The following CYBRD1 variants were observed in gnomAD, a reference collection of about 807,000 sequenced individuals.
CYBRD1 encodes cytochrome b reductase 1.
CYBRD1 carries 14 observed loss-of-function variants against 21.9 expected under a neutral mutation model. The observed-to-expected ratio is 0.64, with a 90% CI of 0.42 to 1.00. The LOEUF (loss-of-function observed/expected upper bound fraction) is 1.00, where lower values mean the gene tolerates loss of function less well. Among genes scored for constraint, CYBRD1 ranks in the 50% least tolerant of loss-of-function variants. The pLI is 0.00. For missense variants in CYBRD1, 328 were observed against 352.5 expected, an observed-to-expected ratio of 0.93 and a Z score of 0.56; for synonymous variants, 146 against 136.5, an observed-to-expected ratio of 1.07 and a Z score of -0.48.
intron 1 of CYBRD1, chr2:171,539,762 T>G (rs1697601402): frequency 6.6e-6 from 1 of 151,146 alleles, no homozygotes; most frequent in African/African-American, 2.4e-5. Flanking sequence ...GGAGTCTTGC[T>G]CTGTCACCCA....
rs1047872335 is a variant in CYBRD1, at chr2:171,555,046, G to A, written c.*219G>A. 5.1e-6 allele frequency: 3 copies of A among 588,226 alleles called. No individual in the cohort carries two copies. The highest frequency in any genetic ancestry group is 8.9e-6 in the Non-Finnish European group (3 of 335,660). 36.4% of individuals were successfully genotyped at this position (588,226 alleles called of 1,614,324 possible). On this transcript the variant is annotated 3_prime_UTR_variant, in exon 4 of 4. Transcript: ENST00000321348. ...ATAAATAATAGCAGATATAAATTGT[G>A]GTTATGTTACCTTTATCTTGTTGAG...
rs1182503372 is a variant in CYBRD1 at position 171,555,346 on chromosome 2, T to A, written c.*519T>A. On this transcript the variant is annotated 3_prime_UTR_variant, in exon 4 of 4. Transcript: ENST00000321348. The stretch of plus-strand genomic sequence containing the variant: ...TAAAGAAATTTAGGAAAGCACCTGG[T>A]TCCTTTCTCCCCATGCCTGCCTTCT... The A allele has an allele frequency of 6.2e-6, 1 of 160,974 alleles. No homozygotes were observed. Among genetic ancestry groups the A allele is most frequent in the Non-Finnish European group, 1.4e-5 (1 of 73,658 alleles). 10.0% of individuals were successfully genotyped at this position (160,974 alleles called of 1,614,324 possible). A position where few individuals can be genotyped will look rare whatever the true frequency, so the allele number is the denominator to read the frequency against.
chr2:171,532,034 G>A (rs2105332638), intron 1 of CYBRD1, among the ~76,000 whole-genome samples: 1 of 152,220 alleles, frequency 6.6e-6, no homozygotes, highest in East Asian at 1.9e-4. Flanking sequence ...CATGACATTC[G>A]TGCTGTGAGA....
intron 1 of CYBRD1, chr2:171,541,273 C>A: frequency 2.4e-6 from 1 of 420,960 alleles, no homozygotes; most frequent in Non-Finnish European, 4.4e-6. Context: ...ATGGAGACAG[C>A]ATTTCAGTGA....
At chr2:171,529,329 C>T (rs916084206) in intron 1 of CYBRD1, among the ~76,000 whole-genome samples, 1 of 151,904 alleles carries the variant, frequency 6.6e-6, no homozygotes, top group South Asian at 2.1e-4. Context: ...GTCGGGAGTT[C>T]GAGACCAGCC....
intron 2 of CYBRD1, among the ~76,000 whole-genome samples, chr2:171,549,745 C>T (rs546284993): frequency 4.6e-5 from 7 of 152,154 alleles, no homozygotes; most frequent in Non-Finnish European, 7.3e-5. Flanking sequence ...TAAGTAATAA[C>T]TTTTTATGAA....
At chr2:171,550,982 G>T in intron 2 of CYBRD1, 1 of 227,300 alleles carries the variant, frequency 4.4e-6, no homozygotes, top group Non-Finnish European at 8.5e-6. Flanking sequence ...TCTTAGACAG[G>T]GTCTCACTCT....
Position 171,522,760 on chromosome 2 carries a change from G to A in CYBRD1, c.193+22G>A, listed in dbSNP as rs779120242. The A allele has an allele frequency of 4.3e-6, 7 of 1,613,100 alleles. No individual in the cohort carries two copies. The East Asian group carries it at 1.3e-4, about 31-fold the overall frequency. On this transcript the variant is annotated intron_variant, in intron 1 of 3. Coordinates refer to ENST00000321348, the MANE Select transcript of CYBRD1 (RefSeq NM_024843.4). The surrounding 1 kb of genome is among the most constrained non-coding windows in gnomAD (Gnocchi z 4.3). ...ATCGGTACTGGCACCTCCTGGGGGG[G>A]TGCGGGGAGGAAAGCGGGGAGAACG... is the stretch of plus-strand genomic sequence containing the variant.
At chr2:171,531,170 AAAG>A (rs1286079255) in intron 1 of CYBRD1, among the ~76,000 whole-genome samples, 108 of 151,332 alleles carry the variant, frequency 7.1e-4, no homozygotes, top group African/African-American at 2.4e-3. Context: ...AAAAAAAAAA[AAAG>A]AAAGACTAGA....
chr2:171,541,861 CTTTTTTTT>C (rs57998592), intron 2 of CYBRD1, 68 bp downstream of exon 2: 28 of 740,748 alleles, frequency 3.8e-5, no homozygotes, highest in Non-Finnish European at 4.7e-5. Context: ...GTTTTCTTTT[CTTTTTTTT>C]TTTTTTTTTT....
In CYBRD1 at chr2:171,522,563, C is replaced by T. The variant is rs771143937; in HGVS notation, c.18C>T (p.Tyr6=). 3 of 1,606,356 alleles carry T rather than the reference C, an allele frequency of 1.9e-6. No homozygotes were observed. Among genetic ancestry groups the T allele is most frequent in the African/African-American group, 2.7e-5 (2 of 74,912 alleles). ...GGGCGCTGATGGCCATGGAGGGCTA[C>T]TGGCGCTTCCTGGCGCTGCTGGGGT... MAMEG[Y]WRFLALLGSA... is the part of the protein sequence containing the mutation. The change falls in exon 1 of 4, where the codon TAC becomes TAT. Residue 6 remains tyrosine, a synonymous_variant. Transcript: ENST00000321348. This position sits in a 1 kb window ranked among gnomAD's most constrained non-coding sequence, Gnocchi z 4.3.
At chr2:171,541,544 A>G in intron 1 of CYBRD1, 41 bp from the exon 2 acceptor site, 3 of 1,593,980 alleles carry the variant, frequency 1.9e-6, no homozygotes, top group Non-Finnish European at 2.6e-6. Flanking sequence ...TGTTTAAAAA[A>G]CAAAACAAAA....
chr2:171,544,684 T>A (rs1697683882), intron 2 of CYBRD1, among the ~76,000 whole-genome samples: 1 of 152,238 alleles, frequency 6.6e-6, no homozygotes, highest in African/African-American at 2.4e-5. Context: ...TATTGAATCA[T>A]CTCTGCTCCT....
chr2:171,540,955 G>C (rs942753200), intron 1 of CYBRD1: 1 of 153,780 alleles, frequency 6.5e-6, no homozygotes, highest in African/African-American at 2.4e-5. Flanking sequence ...AGTAGAGATG[G>C]GGTTTCACCA....
intron 1 of CYBRD1, among the ~76,000 whole-genome samples, chr2:171,526,437 C>A (rs550448095): frequency 6.6e-6 from 1 of 151,574 alleles, no homozygotes; most frequent in African/African-American, 2.4e-5. Context: ...CTCTCCCCTC[C>A]TTTCCCCCTC....
rs1318682596 is a variant in CYBRD1, at chr2:171,554,563, T to C, written c.597T>C (p.Val199=). 6.2e-7 allele frequency: 1 copy of C among 1,613,532 alleles called. No homozygotes were observed. The highest frequency in any genetic ancestry group is 8.5e-7 in the Non-Finnish European group (1 of 1,179,752). ...PAYSTFPPEG[V]FVNTLGLLIL... is the part of the protein sequence containing the mutation. The stretch of plus-strand genomic sequence containing the variant: ...ACAGTACATTCCCGCCAGAAGGTGT[T>C]TTCGTAAATACGCTTGGCCTTCTGA... The change falls in exon 4 of 4, where the codon GTT becomes GTC. Residue 199 remains valine, a synonymous_variant. Transcript: ENST00000321348.
In CYBRD1 at chr2:171,556,903, G is replaced by A. The variant is rs1683497097; in HGVS notation, c.*2076G>A. On this transcript the variant is annotated 3_prime_UTR_variant, in exon 4 of 4. Transcript: ENST00000321348. ...AAAATTCCAGGGTTTTTGGAGGAAG[G>A]GATTAGATAGTGACTAAGCCGCCAG... The A allele has an allele frequency of 6.6e-6, 1 of 152,408 alleles. No homozygotes were observed. Among genetic ancestry groups the A allele is most frequent in the African/African-American group, 2.4e-5 (1 of 41,424 alleles). The allele number at this position is 152,408 out of a possible 1,614,324, so 9.4% of individuals were successfully genotyped here.
chr2:171,534,217 T>A (rs1344399574), intron 1 of CYBRD1, among the ~76,000 whole-genome samples: 1 of 152,238 alleles, frequency 6.6e-6, no homozygotes, highest in Non-Finnish European at 1.5e-5. Flanking sequence ...CCTCATTTTC[T>A]GGGAGAAATG....
At chr2:171,526,904 A>G (rs577293892) in intron 1 of CYBRD1, among the ~76,000 whole-genome samples, 1 of 152,352 alleles carries the variant, frequency 6.6e-6, no homozygotes, top group East Asian at 1.9e-4. Context: ...AAATAGTCTA[A>G]TGATCTCAAG....
Sources: gnomAD v4.1 joint callset for allele counts (sites outside exome capture counted in the v4.1 genomes callset) on GRCh38, gnomAD v4.1.1 for gene constraint, Gnocchi (gnomAD v3.1) non-coding constraint, MANE v1.5 for transcripts, NCBI Gene and HGNC (gene_info 2026-07-23, HGNC 2026-07-21) for gene names.